NUP153: variants seen among roughly 807,000 people sequenced by gnomAD.
The protein encoded by NUP153 is nuclear pore complex protein Nup153.
Under a neutral mutation model 134.6 loss-of-function variants are expected in NUP153, and 27 were observed. That is an observed-to-expected ratio of 0.20 (90% confidence interval 0.15 to 0.28). The LOEUF (loss-of-function observed/expected upper bound fraction) is 0.28, where lower values mean the gene tolerates loss of function less well. Among genes scored for constraint, NUP153 ranks in the 10% least tolerant of loss-of-function variants. The probability of loss-of-function intolerance (pLI) is 1.00; values close to 1 mark genes in which losing one functional copy is unlikely to be tolerated. For missense variants in NUP153, 1,821 were observed against 1,731.3 expected (o/e 1.05, Z -0.92); for synonymous variants, 640 against 623.5 (o/e 1.03, Z -0.40).
chr6:17,689,538 TC>T (rs1389546613), intron 1 of NUP153, among the ~76,000 whole-genome samples: 1 of 149,536 alleles, frequency 6.7e-6, no homozygotes, highest in East Asian at 2.1e-4. Context: ...TACGGTAACT[TC>T]TTTTTTTTTT....
chr6:17,651,379 C>T (rs910190886), intron 11 of NUP153, among the ~76,000 whole-genome samples: 3 of 151,896 alleles, frequency 2.0e-5, no homozygotes, highest in African/African-American at 7.2e-5. Context: ...ATTCCCTTAA[C>T]CCCCAAATGG....
At position 17,682,811 on chromosome 6, in the gene NUP153, G is replaced by A. The variant is rs922444162; in HGVS notation, c.334+5585C>T. On this transcript the variant is annotated intron_variant, in intron 2 of 21. Transcript: ENST00000262077. ...CACATGCCTGTAGTCCCAGCTACTC[G>A]GGAGACCGAGGCAGGAGAATTGCTT... Among the ~76,000 whole-genome samples, 18 of 151,914 alleles carry A rather than the reference G, an allele frequency of 1.2e-4. No individual in the cohort carries two copies. The East Asian group carries it at 2.9e-3, about 25-fold the overall frequency.
intron 20 of NUP153, among the ~76,000 whole-genome samples, chr6:17,622,132 T>C (rs568344421): frequency 1.1e-4 from 17 of 152,314 alleles, no homozygotes; most frequent in African/African-American, 3.4e-4. Flanking sequence ...TGGACAGTTA[T>C]GCTGCTACCC....
At chr6:17,665,160 G>T in intron 9 of NUP153, 79 bp downstream of exon 9, 1 of 1,039,992 alleles carries the variant, frequency 9.6e-7, no homozygotes, top group Non-Finnish European at 1.4e-6. Context: ...AGAATACAAT[G>T]GTAGTTATAT....
intron 2 of NUP153, among the ~76,000 whole-genome samples, chr6:17,686,589 G>T (rs1311264215): frequency 2.0e-5 from 3 of 150,772 alleles, no homozygotes; most frequent in Non-Finnish European, 4.4e-5. Flanking sequence ...TAGAGACGGG[G>T]TTTCACCATG....
intron 2 of NUP153, among the ~76,000 whole-genome samples, chr6:17,682,832 T>C (rs999864506): frequency 1.5e-4 from 23 of 150,934 alleles, no homozygotes; most frequent in African/African-American, 4.9e-4. Flanking sequence ...GCAGGAGAAT[T>C]GCTTTATCGC....
intron 2 of NUP153, among the ~76,000 whole-genome samples, chr6:17,684,759 T>G (rs1057382329): frequency 6.6e-6 from 1 of 152,154 alleles, no homozygotes; most frequent in African/African-American, 2.4e-5. Flanking sequence ...ACTTGAACAC[T>G]TAGAGGCCAC....
At chr6:17,672,052 G>A (rs777090044) in intron 5 of NUP153, among the ~76,000 whole-genome samples, 2 of 151,884 alleles carry the variant, frequency 1.3e-5, no homozygotes, top group African/African-American at 4.8e-5. Context: ...GCAGACTGTA[G>A]AAACAAGCCA....
chr6:17,661,798 A>T lies in NUP153; in HGVS notation c.1269-19T>A. 6.2e-7 allele frequency: 1 copy of T among 1,606,992 alleles called. No individual in the cohort carries two copies. Among genetic ancestry groups the T allele is most frequent in the Non-Finnish European group, 8.5e-7 (1 of 1,177,182 alleles). ...AAAGCCACTGGCAAATAAAAAGAAAATTAAAACAACTGATATATTATTGTG... is the reference window on the plus strand; with the variant it reads ...AAAGCCACTGGCAAATAAAAAGAAATTTAAAACAACTGATATATTATTGTG... On this transcript the variant is annotated intron_variant, in intron 10 of 21. Coordinates refer to ENST00000262077, the MANE Select transcript of NUP153 (RefSeq NM_005124.4).
At chr6:17,674,614 C>A (rs1768109003) in intron 5 of NUP153, among the ~76,000 whole-genome samples, 1 of 151,824 alleles carries the variant, frequency 6.6e-6, no homozygotes, top group African/African-American at 2.4e-5. Flanking sequence ...ACTAAAAATA[C>A]AAAAAATTAG....
At chr6:17,703,574 A>G (rs559031364) in intron 1 of NUP153, among the ~76,000 whole-genome samples, 2 of 152,230 alleles carry the variant, frequency 1.3e-5, no homozygotes, top group South Asian at 2.1e-4. Context: ...TTGACAGCCT[A>G]GGATAATAAA....
intron 5 of NUP153, among the ~76,000 whole-genome samples, chr6:17,670,045 G>T (rs139560129): frequency 0.021 from 2,927 of 141,934 alleles, 109 homozygotes; most frequent in African/African-American, 0.073. Context: ...GTGGTGAGCC[G>T]AGACTGCACC....
At chr6:17,617,850 GAAAAGAAAAA>G (rs908522148) in intron 20 of NUP153, among the ~76,000 whole-genome samples, 10 of 149,528 alleles carry the variant, frequency 6.7e-5, no homozygotes, top group Admixed American at 1.3e-4. Flanking sequence ...ATCTCAGAAG[GAAAAGAAAAA>G]AAAAGAAAAA....
rs1487417877 is a variant in NUP153, at chr6:17,632,355, TCAC to T, written c.2659+292_2659+294del. The stretch of plus-strand genomic sequence containing the variant: ...AACAAACAAAAAAACAAAGAACAGT[TCAC>T]CTAGGGGGCTAGCAGTTAAAAACAA... On this transcript the variant is annotated intron_variant, in intron 17 of 21. Coordinates refer to ENST00000262077, the MANE Select transcript of NUP153 (RefSeq NM_005124.4). Among the ~76,000 whole-genome samples, 9 of 151,998 alleles carry T rather than the reference TCAC, an allele frequency of 5.9e-5. No individual in the cohort carries two copies. In the East Asian group the frequency reaches 1.7e-3, roughly 29 times the overall value.
At position 17,675,155 on chromosome 6, in the gene NUP153, GA is replaced by G. The variant is rs11418400; in HGVS notation, c.723+73del. 142,800 of 1,156,230 alleles carry G rather than the reference GA, an allele frequency of 0.12. No individual in the cohort carries two copies. Among genetic ancestry groups the G allele is most frequent in the South Asian group, 0.15 (9,274 of 62,798 alleles). 71.6% of individuals were successfully genotyped at this position (1,156,230 alleles called of 1,614,324 possible). On this transcript the variant is annotated intron_variant, in intron 4 of 21. Transcript: ENST00000262077. The surrounding 1 kb of genome is among the most constrained non-coding windows in gnomAD (Gnocchi z 4.4). The stretch of plus-strand genomic sequence containing the variant: ...GCAACAGCAAAAGACTCTTGTCTCA[GA>G]AAAAAAAAAAAAAATTATAAGCAAT...
chr6:17,673,934 G>C (rs1310790158), intron 5 of NUP153, among the ~76,000 whole-genome samples: 2 of 152,136 alleles, frequency 1.3e-5, no homozygotes, highest in African/African-American at 4.8e-5. Context: ...CCAGAAACTG[G>C]AAACAACTCA....
intron 1 of NUP153, among the ~76,000 whole-genome samples, chr6:17,690,497 T>C (rs752128665): frequency 6.6e-6 from 1 of 152,184 alleles, no homozygotes; most frequent in Non-Finnish European, 1.5e-5. Context: ...ATAGTAATTA[T>C]AATGAAAATC....
intron 5 of NUP153, 71 bp downstream of exon 5, chr6:17,674,834 T>C: frequency 8.5e-7 from 1 of 1,169,748 alleles, no homozygotes; most frequent in African/African-American, 1.6e-5. Flanking sequence ...GAGCACAAAG[T>C]AATTTATTAT....
Position 17,706,031 on chromosome 6 carries a change from A to G in NUP153, c.111+246T>C, listed in dbSNP as rs1412784830. 6.6e-6 allele frequency among the ~76,000 whole-genome samples: 1 copy of G among 152,178 alleles called. No individual in the cohort carries two copies. On this transcript the variant is annotated intron_variant, in intron 1 of 21. Coordinates refer to ENST00000262077, the MANE Select transcript of NUP153 (RefSeq NM_005124.4). The surrounding 1 kb of genome is among the most constrained non-coding windows in gnomAD (Gnocchi z 5.9). ...TTTCCCGCCCAGAGCCTGCCTGGGAAAGCCCCTGACCCAGAGAGTTGGGGG... is the reference window on the plus strand; with the variant it reads ...TTTCCCGCCCAGAGCCTGCCTGGGAGAGCCCCTGACCCAGAGAGTTGGGGG...
Sources: gnomAD v4.1 joint callset for allele counts (sites outside exome capture counted in the v4.1 genomes callset) on GRCh38, gnomAD v4.1.1 for gene constraint, Gnocchi (gnomAD v3.1) non-coding constraint, MANE v1.5 for transcripts, NCBI Gene and HGNC (gene_info 2026-07-23, HGNC 2026-07-21) for gene names.